The following ALDH7A1 variants were observed in gnomAD, a reference collection of about 807,000 sequenced individuals.
ALDH7A1 encodes alpha-aminoadipic semialdehyde dehydrogenase.
ALDH7A1 carries 63 observed loss-of-function variants against 79.9 expected under a neutral mutation model. That is an observed-to-expected ratio of 0.79 (90% confidence interval 0.64 to 0.97). The LOEUF is 0.97. Among genes scored for constraint, ALDH7A1 ranks in the 50% least tolerant of loss-of-function variants. The probability of loss-of-function intolerance (pLI) is 0.00; values close to 1 mark genes in which losing one functional copy is unlikely to be tolerated. For missense variants in ALDH7A1, 627 were observed against 665.2 expected (o/e 0.94, Z 0.63); for synonymous variants, 240 against 231.2 (o/e 1.04, Z -0.34).
At chr5:126,553,079 AT>A (rs58921552) in intron 13 of ALDH7A1, among the ~76,000 whole-genome samples, 5 of 152,078 alleles carry the variant, frequency 3.3e-5, no homozygotes, top group African/African-American at 1.2e-4. Context: ...TATGATATGT[AT>A]TTTTTTATTC....
chr5:126,566,695 T>TGATCCATATGCATATGGATACATATG (rs1481856627), intron 9 of ALDH7A1, among the ~76,000 whole-genome samples: 20 of 152,304 alleles, frequency 1.3e-4, no homozygotes, highest in Admixed American at 3.9e-4. Context: ...TCCATATCCA[T>TGATCCATATGCATATGGATACATATG]GATCCATATG....
intron 9 of ALDH7A1, among the ~76,000 whole-genome samples, chr5:126,563,971 G>C (rs117973855): frequency 6.6e-6 from 1 of 151,302 alleles, no homozygotes; most frequent in East Asian, 2.0e-4. Flanking sequence ...TTTGTTTTAA[G>C]AGACAGGTTT....
chr5:126,549,763 G>A (rs1383144291), intron 16 of ALDH7A1, 166 bp downstream of exon 16: 9 of 733,068 alleles, frequency 1.2e-5, no homozygotes, highest in East Asian at 2.7e-5. Context: ...GACTCTATGC[G>A]ATAACTTTGA....
At chr5:126,577,559 C>T (rs908429402) in intron 5 of ALDH7A1, among the ~76,000 whole-genome samples, 3 of 152,000 alleles carry the variant, frequency 2.0e-5, no homozygotes, top group Non-Finnish European at 2.9e-5. Flanking sequence ...GGCACAGGGG[C>T]TTAGGCCCAT....
At position 126,552,727 on chromosome 5, in the gene ALDH7A1, T is replaced by C. The variant is rs547078677; in HGVS notation, c.1201-590A>G. On this transcript the variant is annotated intron_variant, in intron 13 of 17. Transcript: ENST00000409134. ...CAAATCTTTATATGTGGGGGGTTTT[T>C]TGTTTTTGATTTTTTTTTTTTATTA... is the stretch of plus-strand genomic sequence containing the variant. 7.6e-4 allele frequency among the ~76,000 whole-genome samples: 115 copies of C among 150,824 alleles called. No homozygotes were observed. The South Asian group carries it at 0.011, about 14-fold the overall frequency.
intron 6 of ALDH7A1, among the ~76,000 whole-genome samples, chr5:126,576,472 T>C (rs973102122): frequency 2.0e-5 from 3 of 152,202 alleles, no homozygotes; most frequent in African/African-American, 7.2e-5. Flanking sequence ...TGATTTTCCT[T>C]ATTTAATTTC....
intron 9 of ALDH7A1, chr5:126,564,345 A>C: frequency 2.9e-6 from 1 of 349,010 alleles, no homozygotes; most frequent in Non-Finnish European, 5.1e-6. Flanking sequence ...TGGGAGTTTC[A>C]CCATGTAGCC....
intron 11 of ALDH7A1, among the ~76,000 whole-genome samples, chr5:126,556,623 A>T (rs1261828345): frequency 2.0e-5 from 3 of 152,154 alleles, no homozygotes; most frequent in Non-Finnish European, 4.4e-5. Context: ...CCTCAAGTAC[A>T]TGTGTCCCAT....
At chr5:126,545,891 T>C (rs937831898) in intron 17 of ALDH7A1, among the ~76,000 whole-genome samples, 1 of 151,604 alleles carries the variant, frequency 6.6e-6, no homozygotes, top group Non-Finnish European at 1.5e-5. Flanking sequence ...GGCAGGCAGA[T>C]CACCTGAGGT....
intron 4 of ALDH7A1, 48 bp downstream of exon 4, chr5:126,583,884 C>T (rs1751260600): frequency 6.9e-7 from 1 of 1,448,286 alleles, no homozygotes; most frequent in Admixed American, 1.7e-5. Flanking sequence ...GCATGACAGC[C>T]TTATTGTCCA....
intron 9 of ALDH7A1, among the ~76,000 whole-genome samples, chr5:126,566,166 G>C (rs548327728): frequency 1.3e-5 from 2 of 152,276 alleles, no homozygotes; most frequent in Non-Finnish European, 2.9e-5. Context: ...TAATCATGTG[G>C]ACCATATTGA....
chr5:126,589,971 G>C (rs1370975288), intron 3 of ALDH7A1, among the ~76,000 whole-genome samples: 1 of 136,540 alleles, frequency 7.3e-6, no homozygotes, highest in East Asian at 2.0e-4. Context: ...GCCCCATCTG[G>C]AAAGTGAGGA....
At chr5:126,590,285 C>T (rs1194364919) in intron 3 of ALDH7A1, among the ~76,000 whole-genome samples, 2 of 152,270 alleles carry the variant, frequency 1.3e-5, no homozygotes, top group East Asian at 3.8e-4. Context: ...GCTGTGCAAC[C>T]TTCCAAGTGT....
chr5:126,561,094 T>C lies in ALDH7A1; in HGVS notation c.902A>G (p.Asn301Ser), dbSNP rs121912711. 17 of 1,613,152 alleles carry C rather than the reference T, an allele frequency of 1.1e-5. No homozygotes were observed. In the East Asian group the frequency reaches 1.3e-4, roughly 13 times the overall value. ...GRSLLELGGN[N>S]AIIAFEDADL... ...AGAGGCAGCCTTACCAATAATGGCA[T>C]TGTTTCCTCCAAGTTCCAACAGACT... The change falls in exon 10 of 18, where the codon AAT becomes AGT. Residue 301 changes from asparagine (N) to serine (S), a missense_variant. Asn to Ser is a conservative substitution (Grantham distance 46, BLOSUM62 1). Coordinates refer to ENST00000409134, the MANE Select transcript of ALDH7A1 (RefSeq NM_001182.5).
chr5:126,570,478 C>G (rs1319453786), intron 8 of ALDH7A1: 1 of 341,398 alleles, frequency 2.9e-6, no homozygotes, highest in Non-Finnish European at 5.5e-6. Context: ...TGTAAGTAAA[C>G]ACCTTGATAA....
intron 7 of ALDH7A1, among the ~76,000 whole-genome samples, chr5:126,573,442 G>A (rs563713580): frequency 3.4e-4 from 51 of 152,094 alleles, no homozygotes; most frequent in African/African-American, 1.2e-3. Context: ...GCTCACACCT[G>A]TAATCCCAGC....
At chr5:126,585,357 G>A (rs1751325484) in intron 3 of ALDH7A1, among the ~76,000 whole-genome samples, 1 of 152,000 alleles carries the variant, frequency 6.6e-6, no homozygotes. Context: ...CCTTCCCCCA[G>A]GCAGAAGCCA....
intron 9 of ALDH7A1, chr5:126,561,821 G>C (rs1750414058): frequency 6.6e-6 from 1 of 152,128 alleles, no homozygotes; most frequent in Admixed American, 6.6e-5. Context: ...GCAAGACCCT[G>C]TCTCTACAAA....
In ALDH7A1 at chr5:126,589,717, G is replaced by A. The variant is rs146011033; in HGVS notation, c.312+2947C>T. Among the ~76,000 whole-genome samples, 1,403 of 146,038 alleles carry A rather than the reference G, an allele frequency of 9.6e-3. 16 individuals carry two copies. The highest frequency in any genetic ancestry group is 0.028 in the African/African-American group (1,102 of 39,538). ...TGGGATGTGAGGAGCGCCACTGCCC[G>A]GCCGCCCCACCATCTGGGAAGTGAG... On this transcript the variant is annotated intron_variant, in intron 3 of 17. Transcript: ENST00000409134.
Sources: gnomAD v4.1 joint callset for allele counts (sites outside exome capture counted in the v4.1 genomes callset) on GRCh38, gnomAD v4.1.1 for gene constraint, MANE v1.5 for transcripts, NCBI Gene and HGNC (gene_info 2026-07-23, HGNC 2026-07-21) for gene names.